Variants in CHRM3 observed in about 807,000 individuals in gnomAD.
CHRM3 encodes muscarinic acetylcholine receptor M3.
A neutral mutation model predicts 41.8 loss-of-function variants in CHRM3; 11 were observed. The observed-to-expected ratio is 0.26, with a 90% CI of 0.17 to 0.44. CHRM3 has a LOEUF of 0.44. Among genes scored for constraint, CHRM3 ranks in the 20% least tolerant of loss-of-function variants. The pLI is 1.00. For synonymous variants in CHRM3, 297 were observed against 301.4 expected, an observed-to-expected ratio of 0.99 and a Z score of 0.15; for missense variants, 571 against 745.4, an observed-to-expected ratio of 0.77 and a Z score of 2.72.
At chr1:239,578,112 G>A (rs1463739619) in intron 3 of CHRM3, among the ~76,000 whole-genome samples, 2 of 152,158 alleles carry the variant, frequency 1.3e-5, no homozygotes, top group African/African-American at 2.4e-5. Context: ...TTAATAAGGT[G>A]TAGGTTTATG....
chr1:239,818,970 A>T (rs762907664), intron 5 of CHRM3, among the ~76,000 whole-genome samples: 2 of 152,150 alleles, frequency 1.3e-5, no homozygotes, highest in Non-Finnish European at 2.9e-5. Context: ...CAGTTTGATT[A>T]TGTGATACTG....
chr1:239,777,484 TTGAC>T (rs1668184272), intron 5 of CHRM3, among the ~76,000 whole-genome samples: 1 of 152,306 alleles, frequency 6.6e-6, no homozygotes. Flanking sequence ...GTGGTACTAA[TTGAC>T]TGAATGGCAA....
Position 239,908,672 on chromosome 1 carries a change from G to A in CHRM3, c.1221G>A (p.Lys407=), listed in dbSNP as rs1268049536. 1.2e-6 allele frequency: 2 copies of A among 1,613,000 alleles called. No homozygotes were observed. The highest frequency in any genetic ancestry group is 1.7e-6 in the Non-Finnish European group (2 of 1,179,508). The change falls in exon 7 of 7, where the codon AAG becomes AAA. Residue 407 remains lysine, a synonymous_variant. Transcript: ENST00000676153. This position sits in a 1 kb window ranked among gnomAD's most constrained non-coding sequence, Gnocchi z 7.2. ...GMVDLERKAD[K]LQAQKSVDDG... is the part of the protein sequence containing the mutation. ...TGGACTTGGAGAGGAAAGCCGACAA[G>A]CTGCAGGCCCAGAAGAGCGTGGACG...
At chr1:239,397,491 T>G (rs1659586939) in intron 1 of CHRM3, among the ~76,000 whole-genome samples, 1 of 151,806 alleles carries the variant, frequency 6.6e-6, no homozygotes, top group Admixed American at 6.6e-5. Context: ...GCTAACACAG[T>G]GAAACCCCTT....
At chr1:239,415,522 GA>G (rs1229189640) in intron 1 of CHRM3, among the ~76,000 whole-genome samples, 1 of 152,096 alleles carries the variant, frequency 6.6e-6, no homozygotes, top group Admixed American at 6.6e-5. Context: ...AATAAAATAT[GA>G]AAATAGGAAA....
intron 5 of CHRM3, chr1:239,705,565 C>G (rs1034376036): frequency 6.6e-6 from 1 of 152,104 alleles, no homozygotes; most frequent in Non-Finnish European, 1.5e-5. Flanking sequence ...CTGCCTTCGT[C>G]TTCATATGGC....
At chr1:239,880,625 C>T (rs760575278) in intron 6 of CHRM3, among the ~76,000 whole-genome samples, 1 of 152,084 alleles carries the variant, frequency 6.6e-6, no homozygotes, top group Non-Finnish European at 1.5e-5. Flanking sequence ...CTGAGTAGCT[C>T]GGACTATAGG....
chr1:239,730,493 A>G (rs1423599818), intron 5 of CHRM3: 1 of 152,036 alleles, frequency 6.6e-6, no homozygotes, highest in Non-Finnish European at 1.5e-5. Flanking sequence ...AAGGCTTCTT[A>G]AGGGAAATAT....
chr1:239,637,224 T>G (rs1186434823), intron 4 of CHRM3, among the ~76,000 whole-genome samples: 1 of 152,162 alleles, frequency 6.6e-6, no homozygotes, highest in African/African-American at 2.4e-5. Flanking sequence ...GTAAATTTAT[T>G]TTCTGCTCTA....
rs869143310 is a variant in CHRM3 at position 239,708,736 on chromosome 1, C to CTTTTTTTTTTTT, written c.-147+30464_-147+30475dup. Among the ~76,000 whole-genome samples, 287 of 48,358 alleles carry CTTTTTTTTTTTT rather than the reference C, an allele frequency of 5.9e-3. 33 individuals carry two copies. The highest frequency in any genetic ancestry group is 8.2e-3 in the Admixed American group (22 of 2,692). The allele number at this position is 48,358 out of a possible 152,430, so 31.7% of individuals were successfully genotyped here. Reference sequence around the variant, plus strand: ...CTTTGTTTCTTCTGGTTTAAATTTTCTTTTTTTTTTTTTTTTTTTTTTTTT... The same window carrying CTTTTTTTTTTTT: ...CTTTGTTTCTTCTGGTTTAAATTTTCTTTTTTTTTTTTTTTTTTTTTTTTTTTTTTTTTTTTT... On this transcript the variant is annotated intron_variant, in intron 5 of 6. Transcript: ENST00000676153.
At chr1:239,822,068 T>C (rs953238303) in intron 5 of CHRM3, among the ~76,000 whole-genome samples, 1 of 152,216 alleles carries the variant, frequency 6.6e-6, no homozygotes, top group Non-Finnish European at 1.5e-5. Flanking sequence ...TAAACCTCTT[T>C]CCTTTATGAA....
chr1:239,473,206 A>C (rs1666242566), intron 1 of CHRM3, among the ~76,000 whole-genome samples: 1 of 151,886 alleles, frequency 6.6e-6, no homozygotes, highest in African/African-American at 2.4e-5. Flanking sequence ...GAAAGGAAGA[A>C]ATACACCATA....
At chr1:239,395,446 T>A (rs1200286102) in intron 1 of CHRM3, among the ~76,000 whole-genome samples, 1 of 152,150 alleles carries the variant, frequency 6.6e-6, no homozygotes, top group Non-Finnish European at 1.5e-5. Context: ...AATCAAGTGA[T>A]CTTGATTTAT....
At chr1:239,547,430 A>G (rs1299322537) in intron 3 of CHRM3, among the ~76,000 whole-genome samples, 1 of 152,194 alleles carries the variant, frequency 6.6e-6, no homozygotes, top group Non-Finnish European at 1.5e-5. Flanking sequence ...GACACTTACT[A>G]AGTTATCAGT....
At chr1:239,422,454 T>G (rs766217927) in intron 1 of CHRM3, among the ~76,000 whole-genome samples, 6 of 152,216 alleles carry the variant, frequency 3.9e-5, no homozygotes, top group Admixed American at 1.3e-4. Flanking sequence ...AGTTTTATTA[T>G]GTTGAACCTC....
chr1:239,836,454 G>A (rs917437171), intron 6 of CHRM3, among the ~76,000 whole-genome samples: 2 of 152,124 alleles, frequency 1.3e-5, no homozygotes, highest in South Asian at 4.1e-4. Context: ...CTGTGATTAT[G>A]TTATTTCAAT....
At position 239,914,742 on chromosome 1, in the gene CHRM3, TG is replaced by T. The variant is rs1351123397; in HGVS notation, c.*5519del. The T allele has an allele frequency of 1.2e-5, 2 of 167,100 alleles. No homozygotes were observed. Among genetic ancestry groups the T allele is most frequent in the East Asian group, 3.8e-4 (2 of 5,202 alleles). The allele number at this position is 167,100 out of a possible 1,614,324, so 10.4% of individuals were successfully genotyped here. ...TGGAGAGTTCATAAACATAGTTTTCTGTGCAAGTGAAGATCTGTAGTTTGGC... is the reference window on the plus strand; with the variant it reads ...TGGAGAGTTCATAAACATAGTTTTCTTGCAAGTGAAGATCTGTAGTTTGGC... On this transcript the variant is annotated 3_prime_UTR_variant, in exon 7 of 7. Coordinates refer to ENST00000676153, the MANE Select transcript of CHRM3 (RefSeq NM_001375978.1).
intron 5 of CHRM3, among the ~76,000 whole-genome samples, chr1:239,730,132 C>T (rs560888888): frequency 6.6e-6 from 1 of 151,810 alleles, no homozygotes; most frequent in Admixed American, 6.6e-5. Context: ...CAGTTTTCAA[C>T]AAAAATATGT....
At chr1:239,463,994 C>T (rs780181265) in intron 1 of CHRM3, among the ~76,000 whole-genome samples, 12 of 152,036 alleles carry the variant, frequency 7.9e-5, no homozygotes, top group Non-Finnish European at 1.5e-4. Flanking sequence ...GTTCAGTTCT[C>T]GGCCAGGCAT....
Sources: gnomAD v4.1 joint callset for allele counts (sites outside exome capture counted in the v4.1 genomes callset) on GRCh38, gnomAD v4.1.1 for gene constraint, Gnocchi (gnomAD v3.1) non-coding constraint, MANE v1.5 for transcripts, NCBI Gene and HGNC (gene_info 2026-07-23, HGNC 2026-07-21) for gene names.